SESN1: variants seen among roughly 807,000 people sequenced by gnomAD.
SESN1 encodes sestrin 1, also known as sestrin-1.
Under a neutral mutation model 59.3 loss-of-function variants are expected in SESN1, and 30 were observed. The ratio of observed to expected loss-of-function variants is 0.51; its 90% CI spans 0.38 to 0.69. The LOEUF is 0.69. Among genes scored for constraint, SESN1 ranks in the 30% least tolerant of loss-of-function variants. The pLI, the probability that SESN1 is intolerant of heterozygous loss-of-function variation, is 0.00. For synonymous variants in SESN1, 197 were observed against 219.9 expected (o/e 0.90, Z 0.92); for missense variants, 566 against 673.0 (o/e 0.84, Z 1.76).
At chr6:109,004,251 C>T (rs1383474517) in intron 1 of SESN1, among the ~76,000 whole-genome samples, 2 of 151,728 alleles carry the variant, frequency 1.3e-5, no homozygotes, top group African/African-American at 4.8e-5. Context: ...CCACAAAAGC[C>T]AAAAGTCATA....
intron 1 of SESN1, among the ~76,000 whole-genome samples, chr6:109,058,041 T>TA: frequency 6.6e-6 from 1 of 152,236 alleles, no homozygotes; most frequent in Non-Finnish European, 1.5e-5. Context: ...CAGTAACTTT[T>TA]TTTTTTTTAC....
intron 2 of SESN1, 71 bp downstream of exon 2, chr6:109,002,207 C>T: frequency 7.5e-7 from 1 of 1,339,022 alleles, no homozygotes; most frequent in Non-Finnish European, 1.1e-6. Flanking sequence ...TCTTCAGATG[C>T]CAACATGTGG....
chr6:109,003,974 T>A (rs913771669), intron 1 of SESN1, among the ~76,000 whole-genome samples: 1 of 152,198 alleles, frequency 6.6e-6, no homozygotes, highest in Non-Finnish European at 1.5e-5. Flanking sequence ...TTTCAAGGGT[T>A]TATTACTGTT....
chr6:109,070,916 G>A (rs933739945), intron 1 of SESN1, among the ~76,000 whole-genome samples: 9 of 152,304 alleles, frequency 5.9e-5, no homozygotes, highest in African/African-American at 2.2e-4. Context: ...ACCTTGAGTA[G>A]TAAGAGCGTA....
chr6:108,989,445 A>G (rs1350103268), intron 8 of SESN1, among the ~76,000 whole-genome samples: 1 of 149,216 alleles, frequency 6.7e-6, no homozygotes, highest in African/African-American at 2.6e-5. Flanking sequence ...AGATCTAGAT[A>G]CATCTCTATA....
intron 1 of SESN1, among the ~76,000 whole-genome samples, chr6:109,051,685 C>T (rs185150324): frequency 3.3e-5 from 5 of 152,240 alleles, no homozygotes; most frequent in East Asian, 1.9e-4. Context: ...CATTTTGTGC[C>T]ACTGTAACAG....
intron 1 of SESN1, among the ~76,000 whole-genome samples, chr6:109,047,720 A>G (rs1780475979): frequency 6.9e-6 from 1 of 145,454 alleles, no homozygotes; most frequent in African/African-American, 2.5e-5. Context: ...AGAAGTAGAC[A>G]TGGGAGACTT....
chr6:109,019,493 C>A (rs569088346), intron 1 of SESN1, among the ~76,000 whole-genome samples: 2 of 152,314 alleles, frequency 1.3e-5, no homozygotes, highest in African/African-American at 4.8e-5. Flanking sequence ...CTCACCTTCA[C>A]AATGTAAATT....
Position 108,992,850 on chromosome 6 carries a change from A to C in SESN1, c.1170T>G (p.Asp390Glu). ...AGAAATCTTTATAGCCATAACTAGT[A>C]TCCTCAAAATGACGAGATACAGCTC... Reference protein sequence around the residue: ...PARAVSRHFEDTSYGYKDFSR... With the variant: ...PARAVSRHFEETSYGYKDFSR... Residue 390 changes from aspartate (D) to glutamate (E), a missense_variant, in exon 7 of 10, where the codon GAT becomes GAG. Asp to Glu is a conservative substitution (Grantham distance 45). Transcript: ENST00000436639. 5.0e-6 allele frequency: 8 copies of C among 1,613,754 alleles called. No homozygotes were observed. Among genetic ancestry groups the C allele is most frequent in the Non-Finnish European group, 6.8e-6 (8 of 1,179,808 alleles).
At chr6:109,085,165 T>C (rs763854848) in intron 1 of SESN1, among the ~76,000 whole-genome samples, 1 of 151,174 alleles carries the variant, frequency 6.6e-6, no homozygotes. Flanking sequence ...AATGTTCCCA[T>C]AGTGTGACTA....
Position 109,085,251 on chromosome 6 carries a change from G to A in SESN1, c.279+8544C>T, listed in dbSNP as rs115956250. ...AATACAATCACTGGCCAGGCGCAGC[G>A]GCTTATGCCTGTAATCCCAGCACTT... is the stretch of plus-strand genomic sequence containing the variant. On this transcript the variant is annotated intron_variant, in intron 1 of 9. Transcript: ENST00000436639. Among the ~76,000 whole-genome samples, 421 of 152,170 alleles carry A rather than the reference G, an allele frequency of 2.8e-3. 5 individuals are homozygous for A. Among genetic ancestry groups the A allele is most frequent in the African/African-American group, 9.8e-3 (407 of 41,520 alleles).
chr6:109,002,215 T>C, intron 2 of SESN1, 63 bp downstream of exon 2: 1 of 1,412,524 alleles, frequency 7.1e-7, no homozygotes, highest in Non-Finnish European at 1.0e-6. Context: ...TGCCAACATG[T>C]GGGTCATGAA....
intron 1 of SESN1, among the ~76,000 whole-genome samples, chr6:109,013,060 G>A (rs1779885766): frequency 6.6e-6 from 1 of 150,972 alleles, no homozygotes; most frequent in Non-Finnish European, 1.5e-5. Context: ...AGGTTGCGAT[G>A]AGCCAAGATC....
At chr6:109,068,683 G>C (rs973029948) in intron 1 of SESN1, among the ~76,000 whole-genome samples, 20 of 149,866 alleles carry the variant, frequency 1.3e-4, no homozygotes, top group South Asian at 4.2e-4. Flanking sequence ...ATAGTGGGGA[G>C]AAACATATTC....
At chr6:109,039,165 GAAGA>G (rs1292298348) in intron 1 of SESN1, among the ~76,000 whole-genome samples, 4 of 151,436 alleles carry the variant, frequency 2.6e-5, no homozygotes, top group South Asian at 2.1e-4. Context: ...AGGAGGAGGA[GAAGA>G]AAGAAGAAGA....
At chr6:108,994,054 C>T (rs866711206) in intron 6 of SESN1, among the ~76,000 whole-genome samples, 17 of 149,972 alleles carry the variant, frequency 1.1e-4, no homozygotes, top group South Asian at 6.3e-4. Context: ...GCAGGATGAT[C>T]GCTTGAGCCT....
chr6:109,046,119 C>T (rs1376279905), intron 1 of SESN1, among the ~76,000 whole-genome samples: 7 of 152,094 alleles, frequency 4.6e-5, no homozygotes, highest in Non-Finnish European at 1.0e-4. Flanking sequence ...CTCTCCCTCT[C>T]CCCACGGTCT....
chr6:109,077,693 A>C (rs1054237995), intron 1 of SESN1, among the ~76,000 whole-genome samples: 1 of 152,174 alleles, frequency 6.6e-6, no homozygotes, highest in Non-Finnish European at 1.5e-5. Context: ...CTTCTCAATG[A>C]GAATGCCTAG....
At chr6:109,043,031 C>CAGA (rs1473135611) in intron 1 of SESN1, among the ~76,000 whole-genome samples, 5 of 152,072 alleles carry the variant, frequency 3.3e-5, no homozygotes, top group African/African-American at 1.2e-4. Flanking sequence ...GAATGCATGG[C>CAGA]TGGTTCAACA....
Sources: allele counts gnomAD v4.1 joint callset (sites outside exome capture counted in the v4.1 genomes callset), GRCh38; gene constraint gnomAD v4.1.1; transcripts MANE v1.5; gene names NCBI Gene and HGNC (gene_info 2026-07-23, HGNC 2026-07-21).